The following RIT2 variants were observed in gnomAD, a reference collection of about 807,000 sequenced individuals.
RIT2 encodes the protein GTP-binding protein Rit2.
RIT2 carries 24 observed loss-of-function variants against 23.7 expected under a neutral mutation model. The observed-to-expected ratio is 1.01, with a 90% CI of 0.73 to 1.43. The LOEUF is 1.43. RIT2 is among the 40% of genes most tolerant of loss of function. RIT2 has a pLI of 0.00. For synonymous variants in RIT2, 107 were observed against 91.1 expected, an observed-to-expected ratio of 1.17 and a Z score of -0.99; for missense variants, 236 against 266.9, an observed-to-expected ratio of 0.88 and a Z score of 0.81.
chr18:42,821,398 G>A lies in RIT2; in HGVS notation c.427-77678C>T, dbSNP rs561979360. Among the ~76,000 whole-genome samples, 29 of 152,252 alleles carry A rather than the reference G, an allele frequency of 1.9e-4. No homozygotes were observed. The South Asian group carries it at 6.0e-3, about 32-fold the overall frequency. On this transcript the variant is annotated intron_variant, in intron 4 of 4. Coordinates refer to ENST00000326695, the MANE Select transcript of RIT2 (RefSeq NM_002930.4). ...CTATAAGTAGGTTAGTTTTGATAGA[G>A]TAGACAGTTCATGCTGTGAAAATGT...
intron 2 of RIT2, among the ~76,000 whole-genome samples, chr18:43,030,395 C>T (rs1023866339): frequency 3.9e-5 from 6 of 151,990 alleles, no homozygotes; most frequent in Admixed American, 6.6e-5. Context: ...TTGACTAGTT[C>T]GTGGATCTAA....
intron 4 of RIT2, among the ~76,000 whole-genome samples, chr18:42,810,435 G>A: frequency 6.6e-6 from 1 of 151,706 alleles, no homozygotes; most frequent in East Asian, 1.9e-4. Flanking sequence ...ACTTATTAAA[G>A]TAACCTATTA....
At chr18:43,107,830 A>G (rs1197869929) in intron 1 of RIT2, among the ~76,000 whole-genome samples, 1 of 152,000 alleles carries the variant, frequency 6.6e-6, no homozygotes, top group Non-Finnish European at 1.5e-5. Context: ...ATATTAAAAT[A>G]TTTTCATATA....
intron 4 of RIT2, among the ~76,000 whole-genome samples, chr18:42,899,936 A>G (rs1908430208): frequency 6.6e-6 from 1 of 152,162 alleles, no homozygotes; most frequent in Non-Finnish European, 1.5e-5. Context: ...TATTACATAT[A>G]CAATCTAATA....
chr18:42,794,796 G>A (rs1361841862), intron 4 of RIT2, among the ~76,000 whole-genome samples: 1 of 152,110 alleles, frequency 6.6e-6, no homozygotes, highest in Non-Finnish European at 1.5e-5. Flanking sequence ...ATCAAAAGAG[G>A]AATGAGAAAT....
At chr18:42,921,109 A>T (rs181254257) in intron 4 of RIT2, among the ~76,000 whole-genome samples, 1 of 152,262 alleles carries the variant, frequency 6.6e-6, no homozygotes, top group Admixed American at 6.5e-5. Context: ...TCATTCTTCA[A>T]ATGCTTGGCT....
At chr18:42,985,762 A>G (rs1017905256) in intron 2 of RIT2, among the ~76,000 whole-genome samples, 1 of 152,078 alleles carries the variant, frequency 6.6e-6, no homozygotes, top group African/African-American at 2.4e-5. Flanking sequence ...TAGATTGTAA[A>G]TATAAATATT....
At chr18:43,065,598 G>A (rs1275879282) in intron 1 of RIT2, among the ~76,000 whole-genome samples, 4 of 152,076 alleles carry the variant, frequency 2.6e-5, no homozygotes, top group Admixed American at 1.3e-4. Flanking sequence ...TAATCAAAGT[G>A]TTTTATCTTC....
intron 4 of RIT2, among the ~76,000 whole-genome samples, chr18:42,837,626 C>G (rs1345408704): frequency 6.6e-6 from 1 of 152,108 alleles, no homozygotes; most frequent in African/African-American, 2.4e-5. Context: ...AAGCTTTCTC[C>G]AATAACACAG....
rs574176808 is a variant in RIT2, at chr18:42,906,917, T to C, written c.426+16655A>G. On this transcript the variant is annotated intron_variant, in intron 4 of 4. Coordinates refer to ENST00000326695, the MANE Select transcript of RIT2 (RefSeq NM_002930.4). The stretch of plus-strand genomic sequence containing the variant: ...GCCTATTGTCTTTCTCTCATTCCTA[T>C]CATCAACTTCAGAATCTGATGCCTT... Among the ~76,000 whole-genome samples, 7 of 152,312 alleles carry C rather than the reference T, an allele frequency of 4.6e-5. No individual in the cohort carries two copies. The South Asian group carries it at 1.5e-3, about 32-fold the overall frequency.
intron 2 of RIT2, among the ~76,000 whole-genome samples, chr18:43,003,970 CTGCTT>C (rs149669925): frequency 0.12 from 18,376 of 151,670 alleles, 1,215 homozygotes; most frequent in African/African-American, 0.15. Context: ...CATTCTTTCT[CTGCTT>C]TTTCTGTACT....
At chr18:42,924,094 T>C (rs1388345011) in intron 3 of RIT2, among the ~76,000 whole-genome samples, 4 of 152,136 alleles carry the variant, frequency 2.6e-5, no homozygotes, top group Non-Finnish European at 2.9e-5. Flanking sequence ...AGATATTTTC[T>C]CACTCCCTAT....
At chr18:42,809,849 T>C (rs1168673687) in intron 4 of RIT2, among the ~76,000 whole-genome samples, 1 of 116,410 alleles carries the variant, frequency 8.6e-6, no homozygotes, top group Non-Finnish European at 1.7e-5. Context: ...TGTATATATG[T>C]TATATATATT....
intron 2 of RIT2, among the ~76,000 whole-genome samples, chr18:42,991,879 C>G (rs2144228877): frequency 6.6e-6 from 1 of 152,196 alleles, no homozygotes; most frequent in Admixed American, 6.5e-5. Context: ...CGGACTCAGC[C>G]CGCCTGCGGC....
intron 4 of RIT2, among the ~76,000 whole-genome samples, chr18:42,887,635 T>G (rs1036971236): frequency 2.0e-5 from 3 of 152,322 alleles, no homozygotes; most frequent in Non-Finnish European, 2.9e-5. Flanking sequence ...ACTCTTGTCA[T>G]GCAACCCAGC....
rs144451530 is a variant in RIT2, at chr18:42,760,466, A to G, written c.427-16746T>C. 2.0e-4 allele frequency among the ~76,000 whole-genome samples: 30 copies of G among 152,298 alleles called. No individual in the cohort carries two copies. In the East Asian group the frequency reaches 5.6e-3, roughly 28 times the overall value. ...CCTGGCAAACAACACTATCACTGCA[A>G]TGGCTTGTCAGCTCACTGACATTAT... On this transcript the variant is annotated intron_variant, in intron 4 of 4. Coordinates refer to ENST00000326695, the MANE Select transcript of RIT2 (RefSeq NM_002930.4).
intron 4 of RIT2, among the ~76,000 whole-genome samples, chr18:42,896,614 G>A: frequency 6.6e-6 from 1 of 152,068 alleles, no homozygotes; most frequent in East Asian, 1.9e-4. Flanking sequence ...CTGTCTTATA[G>A]CTAAGATTCT....
At chr18:42,751,976 A>G (rs917995315) in intron 4 of RIT2, among the ~76,000 whole-genome samples, 2 of 152,084 alleles carry the variant, frequency 1.3e-5, no homozygotes, top group African/African-American at 2.4e-5. Context: ...TCATACGAAT[A>G]TTGACAAACC....
intron 4 of RIT2, among the ~76,000 whole-genome samples, chr18:42,874,000 A>C (rs1907684775): frequency 6.6e-6 from 1 of 152,208 alleles, no homozygotes; most frequent in East Asian, 1.9e-4. Flanking sequence ...AGCTTTAGAT[A>C]TAGAATGGGA....
Sources: allele counts gnomAD v4.1 joint callset (sites outside exome capture counted in the v4.1 genomes callset), GRCh38; gene constraint gnomAD v4.1.1; transcripts MANE v1.5; gene names NCBI Gene and HGNC (gene_info 2026-07-23, HGNC 2026-07-21).